The following NAALADL2 variants were observed in gnomAD, a reference collection of about 807,000 sequenced individuals.
NAALADL2 encodes the protein N-acetylated alpha-linked acidic dipeptidase like 2.
In NAALADL2, 76 loss-of-function variants were observed where a neutral mutation model predicts 87.2. That is an observed-to-expected ratio of 0.87 (90% confidence interval 0.72 to 1.05). NAALADL2 has a LOEUF of 1.05. NAALADL2 is among the 50% of genes least tolerant of loss of function. The probability of loss-of-function intolerance (pLI) is 0.00; values close to 1 mark genes in which losing one functional copy is unlikely to be tolerated. For missense variants in NAALADL2, 1,089 were observed against 945.8 expected (o/e 1.15, Z -1.99); for synonymous variants, 354 against 331.0 (o/e 1.07, Z -0.75).
intron 9 of NAALADL2, among the ~76,000 whole-genome samples, chr3:175,552,053 A>G (rs950325583): frequency 6.6e-6 from 1 of 152,086 alleles, no homozygotes; most frequent in African/African-American, 2.4e-5. Context: ...CTTGGCTTAA[A>G]CCTATGTGTA....
At chr3:175,392,672 C>T (rs1769223867) in intron 5 of NAALADL2, among the ~76,000 whole-genome samples, 1 of 152,114 alleles carries the variant, frequency 6.6e-6, no homozygotes, top group Admixed American at 6.6e-5. Flanking sequence ...AAACGGTGCA[C>T]CTGCACCATC....
chr3:175,073,892 T>C (rs575008535), intron 1 of NAALADL2, among the ~76,000 whole-genome samples: 2 of 152,242 alleles, frequency 1.3e-5, no homozygotes, highest in East Asian at 1.9e-4. Flanking sequence ...TCACCACTTA[T>C]TGAAAACTGC....
At position 175,231,358 on chromosome 3, in the gene NAALADL2, A is replaced by G. The variant is rs114065429; in HGVS notation, c.546-2573A>G. On this transcript the variant is annotated intron_variant, in intron 2 of 13. Transcript: ENST00000454872. ...ACATCGTATACGTTGTATATTATCT[A>G]TGTGTTTAAATTATTTCATATTATT... 4.6e-3 allele frequency among the ~76,000 whole-genome samples: 694 copies of G among 152,116 alleles called. 4 individuals carry two copies. Among genetic ancestry groups the G allele is most frequent in the African/African-American group, 0.016 (669 of 41,536 alleles).
intron 11 of NAALADL2, among the ~76,000 whole-genome samples, chr3:175,665,932 C>CGG (rs1242089135): frequency 3.4e-4 from 52 of 151,626 alleles, no homozygotes; most frequent in African/African-American, 1.1e-3. Flanking sequence ...TCTGTCCCCC[C>CGG]CCCAAAAAAA....
In NAALADL2 at chr3:175,158,288, A is replaced by G. The variant is rs537211494; in HGVS notation, c.545+60997A>G. On this transcript the variant is annotated intron_variant, in intron 2 of 13. Coordinates refer to ENST00000454872, the MANE Select transcript of NAALADL2 (RefSeq NM_207015.3). ...TTTGGCGATCAGAGAGACCATTTCT[A>G]TTTCAAAATAAGACAATTTTCACCC... Among the ~76,000 whole-genome samples the G allele has an allele frequency of 7.2e-5, 11 of 152,164 alleles. No homozygotes were observed. The South Asian group carries it at 1.0e-3, about 14-fold the overall frequency.
chr3:175,591,548 G>A (rs984269404), intron 10 of NAALADL2, among the ~76,000 whole-genome samples: 5 of 151,938 alleles, frequency 3.3e-5, no homozygotes, highest in African/African-American at 1.2e-4. Flanking sequence ...AACAGATAAA[G>A]CTAAGATATC....
chr3:175,775,109 T>A (rs975618179), intron 13 of NAALADL2: 3 of 151,018 alleles, frequency 2.0e-5, no homozygotes, highest in Admixed American at 6.6e-5. Context: ...TTTTTTTTTT[T>A]AGAAATTCTC....
chr3:174,441,438 A>G (rs931475051), intron 1 of NAALADL2, among the ~76,000 whole-genome samples: 2 of 152,076 alleles, frequency 1.3e-5, no homozygotes, highest in Non-Finnish European at 2.9e-5. Flanking sequence ...CACGCCGGCC[A>G]GGCAGCCCGA....
At chr3:175,101,519 G>A (rs1229606094) in intron 2 of NAALADL2, among the ~76,000 whole-genome samples, 2 of 152,030 alleles carry the variant, frequency 1.3e-5, no homozygotes, top group Non-Finnish European at 2.9e-5. Flanking sequence ...CTCTAATAAT[G>A]TATTTTTTAT....
At chr3:175,773,976 G>T (rs1749867394) in intron 13 of NAALADL2, among the ~76,000 whole-genome samples, 1 of 152,026 alleles carries the variant, frequency 6.6e-6, no homozygotes, top group Admixed American at 6.6e-5. Context: ...TATTATTTAT[G>T]AACTCTTGAT....
chr3:175,409,378 A>G (rs1206814111), intron 5 of NAALADL2, among the ~76,000 whole-genome samples: 1 of 151,908 alleles, frequency 6.6e-6, no homozygotes, highest in African/African-American at 2.4e-5. Context: ...ATTGTATTCC[A>G]TTTTTACTTC....
intron 11 of NAALADL2, among the ~76,000 whole-genome samples, chr3:175,670,554 T>A (rs1287557534): frequency 6.5e-5 from 3 of 46,042 alleles, no homozygotes; most frequent in African/African-American, 2.4e-4. Flanking sequence ...TTTTACATTA[T>A]ATTAAAATTT....
intron 9 of NAALADL2, among the ~76,000 whole-genome samples, chr3:175,475,947 T>C (rs12639441): frequency 0.022 from 3,424 of 152,226 alleles, 149 homozygotes; most frequent in East Asian, 0.14. Flanking sequence ...TGTCTCAAAC[T>C]CCCGGTCTCA....
At chr3:174,611,572 C>G (rs1251389025) in intron 2 of NAALADL2, among the ~76,000 whole-genome samples, 1 of 151,896 alleles carries the variant, frequency 6.6e-6, no homozygotes, top group Non-Finnish European at 1.5e-5. Context: ...AGTTTTGTAG[C>G]TTCGATTATT....
chr3:175,511,335 A>T (rs1436582361), intron 9 of NAALADL2, among the ~76,000 whole-genome samples: 1 of 152,188 alleles, frequency 6.6e-6, no homozygotes, highest in East Asian at 1.9e-4. Flanking sequence ...CTTTGTAAAG[A>T]GCTGATTAAG....
intron 11 of NAALADL2, among the ~76,000 whole-genome samples, chr3:175,720,575 A>G (rs1742097191): frequency 6.6e-6 from 1 of 151,468 alleles, no homozygotes; most frequent in Non-Finnish European, 1.5e-5. Context: ...TAATTTTCCA[A>G]TATTCATTAA....
At chr3:175,218,012 C>A (rs975497901) in intron 2 of NAALADL2, 4 of 384,848 alleles carry the variant, frequency 1.0e-5, no homozygotes, top group Non-Finnish European at 2.1e-5. Context: ...TAATGTATAG[C>A]CTGACCAAAT....
chr3:175,134,150 C>G (rs1226928243), intron 2 of NAALADL2, among the ~76,000 whole-genome samples: 1 of 152,124 alleles, frequency 6.6e-6, no homozygotes, highest in Admixed American at 6.5e-5. Context: ...TTATTTGCTT[C>G]TTTTATTCTG....
intron 2 of NAALADL2, among the ~76,000 whole-genome samples, chr3:174,620,779 C>T (rs1183530944): frequency 6.6e-6 from 1 of 152,116 alleles, no homozygotes; most frequent in East Asian, 1.9e-4. Flanking sequence ...ATGTATTTTA[C>T]TCACAAAGAT....
Sources: allele counts gnomAD v4.1 joint callset (sites outside exome capture counted in the v4.1 genomes callset), GRCh38; gene constraint gnomAD v4.1.1; transcripts MANE v1.5; gene names NCBI Gene and HGNC (gene_info 2026-07-23, HGNC 2026-07-21).